The following MTFR1 variants were observed in gnomAD, a reference collection of about 807,000 sequenced individuals.
MTFR1 encodes chondrocyte protein with a poly-proline region.
Under a neutral mutation model 38.8 loss-of-function variants are expected in MTFR1, and 28 were observed. The observed-to-expected ratio is 0.72, with a 90% CI of 0.53 to 0.99. The LOEUF (loss-of-function observed/expected upper bound fraction) is 0.99, where lower values mean the gene tolerates loss of function less well. Ranked by LOEUF, MTFR1 falls within the 50% of genes least tolerant of loss-of-function variation. The probability of loss-of-function intolerance (pLI) is 0.00; values close to 1 mark genes in which losing one functional copy is unlikely to be tolerated. For synonymous variants in MTFR1, 145 were observed against 137.0 expected (o/e 1.06, Z -0.41); for missense variants, 358 against 395.5 (o/e 0.91, Z 0.81).
At chr8:65,776,244 C>A (rs1186723295), downstream of MTFR1, among the ~76,000 whole-genome samples, 1 of 152,194 alleles carries the variant, frequency 6.6e-6, no homozygotes, top group Non-Finnish European at 1.5e-5. Context: ...TTCATTACCA[C>A]ACTTGTCACA....
chr8:65,775,091 G>C (rs1175481343), downstream of MTFR1, among the ~76,000 whole-genome samples: 1 of 152,142 alleles, frequency 6.6e-6, no homozygotes, highest in Non-Finnish European at 1.5e-5. Context: ...TTGGGGTCAA[G>C]CAAAATAGTC....
intron 3 of MTFR1, among the ~76,000 whole-genome samples, chr8:65,732,795 G>C (rs529932810): frequency 6.6e-6 from 1 of 152,204 alleles, no homozygotes; most frequent in Non-Finnish European, 1.5e-5. Context: ...TTACAGGCAT[G>C]AGCCACCGCA....
chr8:65,696,454 C>T (rs915105318), intron 4 of MTFR1, among the ~76,000 whole-genome samples: 1 of 152,168 alleles, frequency 6.6e-6, no homozygotes, highest in African/African-American at 2.4e-5. Flanking sequence ...AGTACAATAT[C>T]ACAGCAGGGT....
chr8:65,765,211 C>T (rs1230285757), intron 3 of MTFR1, among the ~76,000 whole-genome samples: 1 of 152,080 alleles, frequency 6.6e-6, no homozygotes, highest in Non-Finnish European at 1.5e-5. Flanking sequence ...ATGGGCGAGC[C>T]GGGCGCGGTG....
chr8:65,675,898 T>C (rs769608015), intron 2 of MTFR1, among the ~76,000 whole-genome samples: 1 of 152,216 alleles, frequency 6.6e-6, no homozygotes, highest in Admixed American at 6.5e-5. Context: ...AGCAAAAATG[T>C]TTTTTAAATT....
chr8:65,666,517 C>G (rs1312117616), intron 1 of MTFR1, among the ~76,000 whole-genome samples: 1 of 152,198 alleles, frequency 6.6e-6, no homozygotes, highest in Non-Finnish European at 1.5e-5. Context: ...ACAGAAACAT[C>G]TAGTTTGAGT....
In MTFR1 at chr8:65,682,361, G is replaced by T. The variant is rs1292484185; in HGVS notation, c.75G>T (p.Trp25Cys). 6.4e-7 allele frequency: 1 copy of T among 1,557,956 alleles called. No homozygotes were observed. The highest frequency in any genetic ancestry group is 1.2e-5 in the South Asian group (1 of 81,116). ...QVGVSMQSVLWSRKPYGSSRS... is the reference protein window; with the variant it reads ...QVGVSMQSVLCSRKPYGSSRS... ...TTTTCCTACTTCCTCAGGTACTTTG[G>T]TCTAGGAAGCCATATGGTTCGTCTC... Residue 25 changes from tryptophan to cysteine, a missense_variant, in exon 3 of 8, where the codon TGG (tryptophan) becomes TGT (cysteine). Trp to Cys is a radical substitution (Grantham distance 215). Transcript: ENST00000262146.
At chr8:65,659,992 A>T (rs1018342155) in intron 1 of MTFR1, among the ~76,000 whole-genome samples, 3 of 152,146 alleles carry the variant, frequency 2.0e-5, no homozygotes, top group South Asian at 4.1e-4. Flanking sequence ...ATAATAATTT[A>T]AAAAAACCAT....
At chr8:65,715,106 A>G (rs1236791668), downstream of MTFR1, among the ~76,000 whole-genome samples, 7 of 152,198 alleles carry the variant, frequency 4.6e-5, no homozygotes, top group African/African-American at 1.2e-4. Flanking sequence ...GAAAATTTTT[A>G]GTCTCCCATG....
At position 65,740,687 on chromosome 8, in the gene MTFR1, T is replaced by C. The variant is rs143172715; in HGVS notation, c.*48+21206T>C. On this transcript the variant is annotated intron_variant, in intron 3 of 3. Transcript: ENST00000521247. ...AGTGCTGGGATTTACAGGCGTGAGC[T>C]ACCACGCCTGGCCAAGTTTCCCTTT... 4.6e-3 allele frequency among the ~76,000 whole-genome samples: 693 copies of C among 152,218 alleles called. 5 individuals are homozygous for C. Among genetic ancestry groups the C allele is most frequent in the South Asian group, 0.039 (187 of 4,824 alleles).
chr8:65,655,765 C>T (rs943543521), intron 1 of MTFR1, among the ~76,000 whole-genome samples: 3 of 150,834 alleles, frequency 2.0e-5, no homozygotes, highest in Admixed American at 6.6e-5. Context: ...GCCTGGCCAA[C>T]ATTGTGAAAC....
rs1055288284 is a variant in MTFR1 at position 65,705,025 on chromosome 8, T to G, written c.517+96T>G. 2.7e-6 allele frequency: 3 copies of G among 1,112,510 alleles called. No individual in the cohort carries two copies. In the African/African-American group the frequency reaches 4.7e-5, roughly 17 times the overall value. The allele number at this position is 1,112,510 out of a possible 1,614,324, so 68.9% of individuals were successfully genotyped here. On this transcript the variant is annotated intron_variant, in intron 5 of 7. Transcript: ENST00000262146. ...ATCAATTAGTAACAGCTATTGGGGT[T>G]CTTAGAAAACCAGGTGTCATCCAGG...
intron 1 of MTFR1, among the ~76,000 whole-genome samples, chr8:65,663,030 T>G (rs948525259): frequency 6.6e-6 from 1 of 151,846 alleles, no homozygotes; most frequent in African/African-American, 2.4e-5. Flanking sequence ...CTGGGAGGTG[T>G]ACTCAACAGC....
intron 3 of MTFR1, among the ~76,000 whole-genome samples, chr8:65,729,961 G>T (rs1488747169): frequency 6.6e-6 from 1 of 151,778 alleles, no homozygotes; most frequent in Admixed American, 6.6e-5. Context: ...AGGACAAGGC[G>T]GTCCTCGCAG....
At chr8:65,773,759 A>T (rs956823373), downstream of MTFR1, among the ~76,000 whole-genome samples, 1 of 152,078 alleles carries the variant, frequency 6.6e-6, no homozygotes, top group Non-Finnish European at 1.5e-5. Flanking sequence ...TTTTAATTTC[A>T]TTAGAGATAC....
chr8:65,725,553 A>T (rs889644095), intron 3 of MTFR1: 1 of 153,748 alleles, frequency 6.5e-6, no homozygotes, highest in Non-Finnish European at 1.5e-5. Flanking sequence ...TACATCATTT[A>T]TAAAACTGCC....
chr8:65,661,428 G>A (rs1357893987), intron 1 of MTFR1, among the ~76,000 whole-genome samples: 1 of 152,156 alleles, frequency 6.6e-6, no homozygotes, highest in East Asian at 1.9e-4. Context: ...CTTAAGGCCA[G>A]GAGTTCCTGA....
At position 65,653,986 on chromosome 8, in the gene MTFR1, C is replaced by T. The variant is rs146537996; in HGVS notation, c.-81+9202C>T. Among the ~76,000 whole-genome samples the T allele has an allele frequency of 7.3e-5, 11 of 151,502 alleles. No homozygotes were observed. In the East Asian group the frequency reaches 1.9e-3, roughly 27 times the overall value. The stretch of plus-strand genomic sequence containing the variant: ...GCTGAAGCAGGAGGATCACTTGAGC[C>T]CGGGAGCTTAGGGCTGCAGTGAGCT... On this transcript the variant is annotated intron_variant, in intron 1 of 7. Coordinates refer to ENST00000262146, the MANE Select transcript of MTFR1 (RefSeq NM_014637.4).
At chr8:65,731,938 A>T (rs1160287414) in intron 3 of MTFR1, among the ~76,000 whole-genome samples, 3 of 151,434 alleles carry the variant, frequency 2.0e-5, no homozygotes, top group Non-Finnish European at 4.4e-5. Flanking sequence ...AAGTTGTAAA[A>T]CTCTTGCCAT....
Sources: gnomAD v4.1 joint callset for allele counts (sites outside exome capture counted in the v4.1 genomes callset) on GRCh38, gnomAD v4.1.1 for gene constraint, MANE v1.5 for transcripts, NCBI Gene and HGNC (gene_info 2026-07-23, HGNC 2026-07-21) for gene names.